RASSF8: variants seen among roughly 807,000 people sequenced by gnomAD.
The protein encoded by RASSF8 is ras association domain-containing protein 8.
In RASSF8, 22 loss-of-function variants were observed where a neutral mutation model predicts 48.5. That is an observed-to-expected ratio of 0.45 (90% CI 0.32 to 0.65). RASSF8 has a LOEUF of 0.65. RASSF8 is among the 30% of genes least tolerant of loss of function. RASSF8 has a pLI of 0.03. For missense variants in RASSF8, 418 were observed against 489.2 expected (o/e 0.85, Z 1.37); for synonymous variants, 127 against 171.5 (o/e 0.74, Z 2.03).
chr12:26,073,393 T>A (rs1445764645), downstream of RASSF8, among the ~76,000 whole-genome samples: 1 of 152,184 alleles, frequency 6.6e-6, no homozygotes, highest in Non-Finnish European at 1.5e-5. Flanking sequence ...GTATATAAAT[T>A]GTCATTTTTA....
intron 2 of RASSF8, chr12:26,052,593 C>T (rs1943514567): frequency 6.6e-6 from 1 of 152,188 alleles, no homozygotes; most frequent in East Asian, 1.9e-4. Flanking sequence ...CCACCACACG[C>T]ACCTACAGTG....
downstream of RASSF8, among the ~76,000 whole-genome samples, chr12:26,074,395 G>A (rs1263075075): frequency 2.0e-5 from 3 of 152,010 alleles, no homozygotes; most frequent in East Asian, 1.9e-4. Flanking sequence ...CAGGCTGGAC[G>A]GCAATGGCCT....
At chr12:26,074,682 A>G (rs1345846946), downstream of RASSF8, among the ~76,000 whole-genome samples, 2 of 152,132 alleles carry the variant, frequency 1.3e-5, no homozygotes, top group Non-Finnish European at 2.9e-5. Flanking sequence ...ACTTCAGTAC[A>G]ACATGTTAAG....
chr12:25,987,988 A>C (rs1453000242), intron 1 of RASSF8, among the ~76,000 whole-genome samples: 1 of 150,232 alleles, frequency 6.7e-6, no homozygotes, highest in Non-Finnish European at 1.5e-5. Flanking sequence ...AGTAGCTGGG[A>C]CTACAGGCAT....
intron 1 of RASSF8, among the ~76,000 whole-genome samples, chr12:25,989,848 T>C (rs1285417844): frequency 1.3e-5 from 2 of 152,050 alleles, no homozygotes; most frequent in Non-Finnish European, 2.9e-5. Context: ...CAGCATGGGA[T>C]AGGTGAATTT....
chr12:26,059,991 A>G (rs1383714617), intron 3 of RASSF8, among the ~76,000 whole-genome samples: 1 of 152,152 alleles, frequency 6.6e-6, no homozygotes, highest in East Asian at 1.9e-4. Flanking sequence ...TCCGCCTCCC[A>G]GGTTCACACC....
chr12:26,078,186 C>T (rs1944087622), intron 5 of RASSF8, among the ~76,000 whole-genome samples: 1 of 152,100 alleles, frequency 6.6e-6, no homozygotes, highest in South Asian at 2.1e-4. Flanking sequence ...GGAATTCATA[C>T]CTTAAAGAGG....
rs542797307 is a variant in RASSF8, at chr12:26,050,019, G to A, written c.-108-5217G>A. On this transcript the variant is annotated intron_variant, in intron 2 of 5. Coordinates refer to ENST00000689635, the MANE Select transcript of RASSF8 (RefSeq NM_001394098.1). ...AGGATGGTCTTGATCTCCAGACCTC[G>A]TGATCTGCCCGCCTCGGCCTCCCAA... Among the ~76,000 whole-genome samples the A allele has an allele frequency of 4.2e-4, 64 of 152,152 alleles. No homozygotes were observed. The South Asian group carries it at 6.0e-3, about 14-fold the overall frequency.
chr12:26,030,208 T>G (rs1942999172), intron 2 of RASSF8, among the ~76,000 whole-genome samples: 1 of 151,992 alleles, frequency 6.6e-6, no homozygotes, highest in South Asian at 2.1e-4. Flanking sequence ...ATAAAATAAT[T>G]CTTAGTAGGT....
chr12:26,055,824 A>G (rs1332672010), intron 3 of RASSF8, among the ~76,000 whole-genome samples: 1 of 152,206 alleles, frequency 6.6e-6, no homozygotes, highest in African/African-American at 2.4e-5. Context: ...TTATTTCTCC[A>G]TACTTTCAGA....
chr12:26,024,014 T>C (rs989939048), intron 2 of RASSF8, among the ~76,000 whole-genome samples: 4 of 152,234 alleles, frequency 2.6e-5, no homozygotes, highest in African/African-American at 9.6e-5. Flanking sequence ...ATTTATTTGA[T>C]AGTCAAATAA....
chr12:26,047,871 G>A (rs941582555), intron 2 of RASSF8, among the ~76,000 whole-genome samples: 35 of 152,314 alleles, frequency 2.3e-4, no homozygotes, highest in African/African-American at 4.1e-4. Flanking sequence ...TACACAGCAC[G>A]CCTGGAGGCC....
intron 2 of RASSF8, among the ~76,000 whole-genome samples, chr12:26,028,214 T>C (rs964128961): frequency 6.6e-6 from 1 of 152,198 alleles, no homozygotes; most frequent in Non-Finnish European, 1.5e-5. Flanking sequence ...CCTGTACTCT[T>C]TGGAAGTATA....
chr12:26,054,521 G>A (rs769571493), intron 2 of RASSF8, among the ~76,000 whole-genome samples: 5 of 152,300 alleles, frequency 3.3e-5, no homozygotes, highest in East Asian at 1.9e-4. Context: ...ACTGTTGGTC[G>A]TCAAAGGAAT....
chr12:25,978,416 T>C (rs1314932591), intron 1 of RASSF8, among the ~76,000 whole-genome samples: 2 of 152,206 alleles, frequency 1.3e-5, no homozygotes, highest in South Asian at 2.1e-4. Flanking sequence ...ATTTTTGATA[T>C]TGTGTTAATT....
chr12:25,986,917 GTTTT>G (rs68185131), intron 1 of RASSF8, among the ~76,000 whole-genome samples: 71 of 145,500 alleles, frequency 4.9e-4, no homozygotes, highest in African/African-American at 1.3e-3. Context: ...TTGAACTACC[GTTTT>G]TTTTTTTTGT....
chr12:26,055,332 G>A lies in RASSF8; in HGVS notation c.-12G>A. 1 of 1,611,088 alleles carries A rather than the reference G, an allele frequency of 6.2e-7. No individual in the cohort carries two copies. Among genetic ancestry groups the A allele is most frequent in the Non-Finnish European group, 8.5e-7 (1 of 1,177,348 alleles). ...CCACTCTCAGGGACCTTGAGTGACTGGCCGGTGCACCATGGAACTTAAAGT... is the reference window on the plus strand; with the variant it reads ...CCACTCTCAGGGACCTTGAGTGACTAGCCGGTGCACCATGGAACTTAAAGT... On this transcript the variant is annotated 5_prime_UTR_variant, in exon 3 of 6. Coordinates refer to ENST00000689635, the MANE Select transcript of RASSF8 (RefSeq NM_001394098.1).
chr12:26,004,268 C>T (rs1443459361), intron 2 of RASSF8, among the ~76,000 whole-genome samples: 2 of 152,188 alleles, frequency 1.3e-5, no homozygotes, highest in Non-Finnish European at 2.9e-5. Context: ...GATGAATATA[C>T]TGAACTCCTG....
chr12:26,073,131 C>A (rs896559623), downstream of RASSF8, among the ~76,000 whole-genome samples: 1 of 152,048 alleles, frequency 6.6e-6, no homozygotes, highest in African/African-American at 2.4e-5. Context: ...TCCCTAAAAC[C>A]ATAAGTGAGA....
Sources: allele counts gnomAD v4.1 joint callset (sites outside exome capture counted in the v4.1 genomes callset), GRCh38; gene constraint gnomAD v4.1.1; transcripts MANE v1.5; gene names NCBI Gene and HGNC (gene_info 2026-07-23, HGNC 2026-07-21).